Variants in DAOA observed in about 807,000 individuals in gnomAD.
The protein encoded by DAOA is D-amino acid oxidase activator, also known as D-amino acid oxidase regulator.
In DAOA, 15 loss-of-function variants were observed where a neutral mutation model predicts 16.4. The observed-to-expected ratio is 0.91, with a 90% CI of 0.61 to 1.41. DAOA has a LOEUF of 1.41. DAOA is among the 40% of genes most tolerant of loss of function. The pLI is 0.00. For synonymous variants in DAOA, 75 were observed against 59.1 expected, an observed-to-expected ratio of 1.27 and a Z score of -1.23; for missense variants, 230 against 176.8, an observed-to-expected ratio of 1.30 and a Z score of -1.71.
At chr13:105,470,056 T>A (rs974917076) in intron 3 of DAOA, among the ~76,000 whole-genome samples, 1 of 151,770 alleles carries the variant, frequency 6.6e-6, no homozygotes, top group African/African-American at 2.4e-5. Flanking sequence ...TTGATCTACT[T>A]TTTTTTTGTC....
At chr13:105,477,418 A>C (rs1877413044) in intron 4 of DAOA, among the ~76,000 whole-genome samples, 1 of 152,232 alleles carries the variant, frequency 6.6e-6, no homozygotes, top group South Asian at 2.1e-4. Flanking sequence ...AGTCACATAA[A>C]AATAAACTGA....
At chr13:105,487,218 CCAAAT>C (rs1488267746) in intron 4 of DAOA, among the ~76,000 whole-genome samples, 1 of 152,158 alleles carries the variant, frequency 6.6e-6, no homozygotes, top group African/African-American at 2.4e-5. Context: ...TGCACACGAA[CCAAAT>C]CAGTCAAATG....
chr13:105,468,904 A>G (rs151076865), intron 3 of DAOA, among the ~76,000 whole-genome samples: 9 of 152,376 alleles, frequency 5.9e-5, no homozygotes, highest in African/African-American at 1.2e-4. Context: ...CTTGGAGCAT[A>G]TATCTATTTG....
chr13:105,489,202 T>C (rs141467481), intron 4 of DAOA, among the ~76,000 whole-genome samples: 1 of 152,302 alleles, frequency 6.6e-6, no homozygotes, highest in African/African-American at 2.4e-5. Flanking sequence ...AGAGTAACAT[T>C]TGCATGTAAG....
chr13:105,483,486 G>A lies in DAOA; in HGVS notation c.282-6415G>A, dbSNP rs183056879. 2.2e-3 allele frequency among the ~76,000 whole-genome samples: 334 copies of A among 152,254 alleles called. 3 individuals are homozygous for A. The highest frequency in any genetic ancestry group is 7.8e-3 in the African/African-American group (324 of 41,554). On this transcript the variant is annotated intron_variant, in intron 4 of 5. Coordinates refer to ENST00000375936, the MANE Select transcript of DAOA (RefSeq NM_172370.5). ...GCATTCCTACAGACAGGATATGAGT[G>A]TTCTAGTTTCTCCATATTCTCACCA...
chr13:105,472,448 CA>C (rs1294713612), intron 3 of DAOA, 89 bp from the exon 4 acceptor site: 1 of 1,418,920 alleles, frequency 7.0e-7, no homozygotes, highest in African/African-American at 1.5e-5. Context: ...ACAATTCCTA[CA>C]ATCGCTCCAC....
intron 4 of DAOA, among the ~76,000 whole-genome samples, chr13:105,479,021 A>G (rs575725705): frequency 6.6e-6 from 1 of 152,316 alleles, no homozygotes; most frequent in South Asian, 2.1e-4. Context: ...TTCACTGGGC[A>G]CTAACATATA....
chr13:105,486,281 A>T (rs1878102317), intron 4 of DAOA, among the ~76,000 whole-genome samples: 1 of 152,014 alleles, frequency 6.6e-6, no homozygotes, highest in Non-Finnish European at 1.5e-5. Context: ...AAGTATTCTA[A>T]TCACCCTTGC....
Position 105,490,877 on chromosome 13 carries a change from G to T in DAOA, c.*112-35G>T, listed in dbSNP as rs907818274. On this transcript the variant is annotated intron_variant, in intron 5 of 5. Transcript: ENST00000375936. ...TTTCTATTAAAAATTAAAAAAAAAA[G>T]TTTTCTTATTATTGTTTTGTTTCCT... 4.1e-5 allele frequency: 6 copies of T among 145,044 alleles called. No individual in the cohort carries two copies. In the East Asian group the frequency reaches 9.7e-4, roughly 23 times the overall value. The allele number at this position is 145,044 out of a possible 1,614,324, so 9.0% of individuals were successfully genotyped here.
At chr13:105,465,886 A>T (rs970726916), upstream of DAOA, 1 of 159,350 alleles carries the variant, frequency 6.3e-6, no homozygotes, top group African/African-American at 2.4e-5. Flanking sequence ...TTTCATTTAA[A>T]GAACCAAACT....
At chr13:105,476,162 G>T (rs965193488) in intron 4 of DAOA, among the ~76,000 whole-genome samples, 6 of 151,766 alleles carry the variant, frequency 4.0e-5, no homozygotes, top group Non-Finnish European at 7.4e-5. Flanking sequence ...TTTAACTCAC[G>T]ATGTGGGAAA....
intron 4 of DAOA, chr13:105,477,317 A>G (rs1296700591): frequency 6.6e-6 from 1 of 152,146 alleles, no homozygotes; most frequent in African/African-American, 2.4e-5. Flanking sequence ...TCCCTAAATT[A>G]TACTTCCTCC....
At chr13:105,469,789 A>G (rs1248407103) in intron 3 of DAOA, among the ~76,000 whole-genome samples, 1 of 152,182 alleles carries the variant, frequency 6.6e-6, no homozygotes, top group African/African-American at 2.4e-5. Flanking sequence ...TGTGTGGGGA[A>G]CCAACTGAAG....
At position 105,476,461 on chromosome 13, in the gene DAOA, T is replaced by A. The variant is rs1338789491; in HGVS notation, c.281+3776T>A. ...TAAAAACAACAACAAAAAAGCCTTT[T>A]CGTTATAAAACGTTCACTTGTACCA... On this transcript the variant is annotated intron_variant, in intron 4 of 5. Transcript: ENST00000375936. Among the ~76,000 whole-genome samples the A allele has an allele frequency of 2.0e-5, 3 of 150,824 alleles. No homozygotes were observed. In the East Asian group the frequency reaches 5.9e-4, roughly 29 times the overall value.
chr13:105,488,947 C>G (rs1489420885), intron 4 of DAOA, among the ~76,000 whole-genome samples: 1 of 152,196 alleles, frequency 6.6e-6, no homozygotes. Flanking sequence ...GCACAAGGCA[C>G]TACATTATTT....
At chr13:105,485,719 C>G (rs2139201687) in intron 4 of DAOA, among the ~76,000 whole-genome samples, 1 of 152,190 alleles carries the variant, frequency 6.6e-6, no homozygotes, top group East Asian at 1.9e-4. Context: ...GGTACAGAGG[C>G]AGACATACAC....
intron 3 of DAOA, among the ~76,000 whole-genome samples, chr13:105,467,878 T>A (rs972196658): frequency 6.6e-6 from 1 of 152,044 alleles, no homozygotes; most frequent in Non-Finnish European, 1.5e-5. Context: ...ACAAATTTAG[T>A]GGTGAAAAAA....
chr13:105,478,205 C>A (rs1386257620), intron 4 of DAOA, among the ~76,000 whole-genome samples: 1 of 152,164 alleles, frequency 6.6e-6, no homozygotes, highest in Non-Finnish European at 1.5e-5. Flanking sequence ...GTTTTTTACA[C>A]AAATGTACCT....
In DAOA at chr13:105,490,130, C is replaced by T; in HGVS notation, c.*49C>T. 6.6e-7 allele frequency: 1 copy of T among 1,519,338 alleles called. No homozygotes were observed. Among genetic ancestry groups the T allele is most frequent in the Non-Finnish European group, 8.9e-7 (1 of 1,128,830 alleles). The allele number at this position is 1,519,338 out of a possible 1,614,324, so 94.1% of individuals were successfully genotyped here. ...CCAATCCTTCTGATGACAATGTAGT[C>T]TGGCCAACATCTTCACTGGACTCTG... On this transcript the variant is annotated 3_prime_UTR_variant, in exon 5 of 6. Coordinates refer to ENST00000375936, the MANE Select transcript of DAOA (RefSeq NM_172370.5).
Sources: gnomAD v4.1 joint callset for allele counts (sites outside exome capture counted in the v4.1 genomes callset) on GRCh38, gnomAD v4.1.1 for gene constraint, MANE v1.5 for transcripts, NCBI Gene and HGNC (gene_info 2026-07-23, HGNC 2026-07-21) for gene names.